Variants in FGF12 observed in about 807,000 individuals in gnomAD.
The protein encoded by FGF12 is fibroblast growth factor 12, also known as fibroblast growth factor 12B.
A neutral mutation model predicts 23.6 loss-of-function variants in FGF12; 14 were observed. The observed-to-expected ratio is 0.59, with a 90% CI of 0.39 to 0.93. FGF12 has a LOEUF of 0.93. FGF12 is among the 40% of genes least tolerant of loss of function. The pLI, the probability that FGF12 is intolerant of heterozygous loss-of-function variation, is 0.00. For missense variants in FGF12, 175 were observed against 217.8 expected (o/e 0.80, Z 1.24); for synonymous variants, 62 against 77.3 (o/e 0.80, Z 1.04).
intron 2 of FGF12, among the ~76,000 whole-genome samples, chr3:192,595,026 AT>A (rs1713781622): frequency 6.6e-6 from 1 of 152,140 alleles, no homozygotes; most frequent in African/African-American, 2.4e-5. Flanking sequence ...ATTGTAAATT[AT>A]TTTTGTACAA....
rs140604575 is a variant in FGF12 at position 192,209,800 on chromosome 3, C to T, written c.229-39144G>A. Among the ~76,000 whole-genome samples, 690 of 152,242 alleles carry T rather than the reference C, an allele frequency of 4.5e-3. 4 individuals carry two copies. The highest frequency in any genetic ancestry group is 7.5e-3 in the Non-Finnish European group (513 of 68,014). Reference sequence around the variant, plus strand: ...ATGAAATTAAGGTTGAGCTATCTGCCTCAGGTCAAACAACAGCAGTTGGTA... The same window carrying T: ...ATGAAATTAAGGTTGAGCTATCTGCTTCAGGTCAAACAACAGCAGTTGGTA... On this transcript the variant is annotated intron_variant, in intron 4 of 5. Transcript: ENST00000445105.
intron 2 of FGF12, among the ~76,000 whole-genome samples, chr3:192,478,135 C>G (rs916731858): frequency 2.0e-5 from 3 of 152,114 alleles, no homozygotes; most frequent in African/African-American, 7.2e-5. Context: ...GTCTTTTGAC[C>G]TTTTTAAGCA....
At chr3:192,490,999 T>C (rs1481480321) in intron 2 of FGF12, among the ~76,000 whole-genome samples, 1 of 152,186 alleles carries the variant, frequency 6.6e-6, no homozygotes, top group East Asian at 1.9e-4. Context: ...ACACTGTATA[T>C]CTATGATTCG....
intron 5 of FGF12, among the ~76,000 whole-genome samples, chr3:192,161,908 C>T (rs1714904235): frequency 6.6e-6 from 1 of 152,042 alleles, no homozygotes; most frequent in Non-Finnish European, 1.5e-5. Flanking sequence ...AGTTGAACAA[C>T]CTGTGTGTGG....
At chr3:192,716,868 C>T (rs1474876245) in intron 2 of FGF12, among the ~76,000 whole-genome samples, 2 of 152,186 alleles carry the variant, frequency 1.3e-5, no homozygotes, top group Non-Finnish European at 2.9e-5. Flanking sequence ...TCAAGTCTTA[C>T]GATCTTTCTA....
intron 2 of FGF12, among the ~76,000 whole-genome samples, chr3:192,403,197 A>G (rs879592299): frequency 2.0e-5 from 3 of 152,320 alleles, no homozygotes; most frequent in Admixed American, 1.3e-4. Flanking sequence ...TTTAAAATAC[A>G]ATTTTATGAG....
intron 2 of FGF12, among the ~76,000 whole-genome samples, chr3:192,511,682 G>C (rs2108839821): frequency 6.6e-6 from 1 of 152,038 alleles, no homozygotes; most frequent in South Asian, 2.1e-4. Context: ...TCATTTAATG[G>C]ATGGGTTTTA....
rs1197725106 is a variant in FGF12 at position 192,524,308 on chromosome 3, A to G, written c.14-163770T>C. Among the ~76,000 whole-genome samples, 3 of 152,248 alleles carry G rather than the reference A, an allele frequency of 2.0e-5. No individual in the cohort carries two copies. In the East Asian group the frequency reaches 5.8e-4, roughly 29 times the overall value. ...TTTCTCTGTAAATTGTCTGCTTTTT[A>G]GAAGCAGAAGGCAGCCATTCATTTA... is the stretch of plus-strand genomic sequence containing the variant. On this transcript the variant is annotated intron_variant, in intron 2 of 5. Transcript: ENST00000445105.
chr3:192,347,311 G>A (rs1218263920), intron 3 of FGF12, among the ~76,000 whole-genome samples: 1 of 152,158 alleles, frequency 6.6e-6, no homozygotes, highest in Non-Finnish European at 1.5e-5. Flanking sequence ...TCTGGAGCTT[G>A]TTGGAAAGGC....
At chr3:192,506,830 T>C (rs368861143) in intron 2 of FGF12, among the ~76,000 whole-genome samples, 27 of 151,990 alleles carry the variant, frequency 1.8e-4, no homozygotes, top group African/African-American at 6.3e-4. Context: ...GTGTCTAAAC[T>C]GCAAAACAGA....
chr3:192,567,781 CTTTCTTTCT>C (rs1712393263), intron 2 of FGF12, among the ~76,000 whole-genome samples: 1 of 134,454 alleles, frequency 7.4e-6, no homozygotes, highest in South Asian at 2.5e-4. Context: ...TTCTTTCTTT[CTTTCTTTCT>C]TTCTTTCTTT....
At chr3:192,681,576 C>T in intron 2 of FGF12, among the ~76,000 whole-genome samples, 1 of 152,136 alleles carries the variant, frequency 6.6e-6, no homozygotes, top group Non-Finnish European at 1.5e-5. Context: ...TCTAAAAATC[C>T]CTGTGACCAG....
chr3:192,332,156 T>A (rs924613402), intron 4 of FGF12, among the ~76,000 whole-genome samples: 1 of 152,116 alleles, frequency 6.6e-6, no homozygotes. Context: ...AAAGTGCAAC[T>A]AATCAAACTG....
At chr3:192,573,267 T>A (rs1333236944) in intron 2 of FGF12, among the ~76,000 whole-genome samples, 1 of 151,978 alleles carries the variant, frequency 6.6e-6, no homozygotes, top group Non-Finnish European at 1.5e-5. Flanking sequence ...ATAGTCAATA[T>A]ACCTGTGATG....
chr3:192,671,723 G>A (rs1318381227), intron 2 of FGF12, among the ~76,000 whole-genome samples: 2 of 152,030 alleles, frequency 1.3e-5, no homozygotes, highest in African/African-American at 4.8e-5. Flanking sequence ...GGGAGAAACT[G>A]AAGGCTGCGG....
intron 2 of FGF12, among the ~76,000 whole-genome samples, chr3:192,466,465 G>A (rs188241718): frequency 1.1e-4 from 16 of 152,116 alleles, no homozygotes; most frequent in East Asian, 5.8e-4. Flanking sequence ...GAGCACAACA[G>A]GTATATACCT....
chr3:192,568,629 T>C (rs1489808924), intron 2 of FGF12, among the ~76,000 whole-genome samples: 13 of 152,204 alleles, frequency 8.5e-5, no homozygotes, highest in Non-Finnish European at 1.5e-5. Flanking sequence ...TCAGCTATCT[T>C]ATCTCCCTCA....
At chr3:192,568,899 AC>A (rs1712466523) in intron 2 of FGF12, among the ~76,000 whole-genome samples, 1 of 152,154 alleles carries the variant, frequency 6.6e-6, no homozygotes, top group Non-Finnish European at 1.5e-5. Flanking sequence ...GTATGAGATA[AC>A]ATTTATTCAA....
chr3:192,564,364 G>A (rs576484313), intron 2 of FGF12, among the ~76,000 whole-genome samples: 5 of 152,108 alleles, frequency 3.3e-5, no homozygotes, highest in East Asian at 3.9e-4. Flanking sequence ...GCGCCCTGCC[G>A]ACCATGTGTA....
Sources: gnomAD v4.1 joint callset for allele counts (sites outside exome capture counted in the v4.1 genomes callset) on GRCh38, gnomAD v4.1.1 for gene constraint, MANE v1.5 for transcripts, NCBI Gene and HGNC (gene_info 2026-07-23, HGNC 2026-07-21) for gene names.